Variants in GPN3 observed in about 807,000 individuals in gnomAD.
GPN3 encodes the protein GPN-loop GTPase 3.
A neutral mutation model predicts 38.7 loss-of-function variants in GPN3; 31 were observed. That is an observed-to-expected ratio of 0.80 (90% CI 0.60 to 1.08). The LOEUF (loss-of-function observed/expected upper bound fraction) is 1.08, where lower values mean the gene tolerates loss of function less well. Ranked by LOEUF, GPN3 falls within the 50% of genes least tolerant of loss-of-function variation. GPN3 has a pLI of 0.00. For missense variants in GPN3, 301 were observed against 354.4 expected, an observed-to-expected ratio of 0.85 and a Z score of 1.21; for synonymous variants, 116 against 120.2, an observed-to-expected ratio of 0.96 and a Z score of 0.23.
chr12:110,453,045 G>T lies in GPN3; in HGVS notation c.844C>A (p.Gln282Lys). 1.4e-6 allele frequency: 2 copies of T among 1,404,812 alleles called. No individual in the cohort carries two copies. Among genetic ancestry groups the T allele is most frequent in the Non-Finnish European group, 2.0e-6 (2 of 989,330 alleles). The allele number at this position is 1,404,812 out of a possible 1,614,324, so 87.0% of individuals were successfully genotyped here. A position where few individuals can be genotyped will look rare whatever the true frequency, so the allele number is the denominator to read the frequency against. ...SMFDEYFQECQDE is the reference protein window; with the variant it reads ...SMFDEYFQECKDE ...TTTTAGTAAACTCTTCATTCATCCTGGCATTCTTGAAAATATTCGTCAAAC... is the reference window on the plus strand; with the variant it reads ...TTTTAGTAAACTCTTCATTCATCCTTGCATTCTTGAAAATATTCGTCAAAC... Residue 282 changes from glutamine to lysine, a missense_variant, in exon 8 of 8, where the codon CAG becomes AAG. Coordinates refer to ENST00000228827, the MANE Select transcript of GPN3 (RefSeq NM_016301.4).
chr12:110,468,597 G>T, upstream of GPN3: 2 of 1,537,216 alleles, frequency 1.3e-6, no homozygotes, highest in South Asian at 1.2e-5. Flanking sequence ...TGAGGATCTG[G>T]AATACTGAAG....
rs773714268 is a variant in GPN3 at position 110,459,762 on chromosome 12, A to G, written c.258T>C (p.Asn86=). 1.2e-6 allele frequency: 2 copies of G among 1,612,950 alleles called. No individual in the cohort carries two copies. Among genetic ancestry groups the G allele is most frequent in the Admixed American group, 3.3e-5 (2 of 60,010 alleles). The change falls in exon 3 of 8, where the codon AAT becomes AAC. Residue 86 remains asparagine, a synonymous_variant. Transcript: ENST00000228827. Reference sequence around the variant, plus strand: ...GACAGTTCTCCAGCCAGTCAAAATTATTGGCAAAGTACTCCATGCAAAATA... The same window carrying G: ...GACAGTTCTCCAGCCAGTCAAAATTGTTGGCAAAGTACTCCATGCAAAATA... The part of the protein sequence containing the change: ...GLVFCMEYFA[N]NFDWLENCLG...
At position 110,468,150 on chromosome 12, in the gene GPN3, C is replaced by G; in HGVS notation, c.48+6G>C. The G allele has an allele frequency of 1.2e-6, 2 of 1,613,960 alleles. No individual in the cohort carries two copies. The highest frequency in any genetic ancestry group is 1.1e-5 in the South Asian group (1 of 91,088). The stretch of plus-strand genomic sequence containing the variant: ...CTTTTCTCTCCTTGTCCCCGCAGAT[C>G]CTCACCTTCCCGCTGCCCGCGGGGC... On this transcript the variant is annotated splice_donor_region_variant and intron_variant, in intron 1 of 7. Coordinates refer to ENST00000228827, the MANE Select transcript of GPN3 (RefSeq NM_016301.4).
At chr12:110,465,270 C>T (rs933756954) in intron 1 of GPN3, 56 bp from the exon 2 acceptor site, 3 of 962,808 alleles carry the variant, frequency 3.1e-6, no homozygotes, top group Non-Finnish European at 5.1e-6. Flanking sequence ...GTGCTACCTT[C>T]CATACTCTGG....
At chr12:110,468,269 A>G, upstream of GPN3, 1 of 1,601,968 alleles carries the variant, frequency 6.2e-7, no homozygotes, top group Non-Finnish European at 8.5e-7. Context: ...AGCTCCGGGA[A>G]AGTGAAGTGC....
chr12:110,465,169 G>T lies in GPN3; in HGVS notation c.94C>A (p.Arg32=). 1.2e-6 allele frequency: 2 copies of T among 1,611,754 alleles called. No homozygotes were observed. The highest frequency in any genetic ancestry group is 1.7e-6 in the Non-Finnish European group (2 of 1,177,794). Residue 32 remains arginine, a synonymous_variant, in exon 2 of 8, where the codon CGG becomes AGG. Coordinates refer to ENST00000228827, the MANE Select transcript of GPN3 (RefSeq NM_016301.4). The stretch of plus-strand genomic sequence containing the variant: ...TCCAGGTTTACAACTTGGACAGACC[G>T]GTTGAGGGCTTCACAGTGCTGGACC... ...TMVQHCEALN[R]SVQVVNLDPA...
At position 110,462,257 on chromosome 12, in the gene GPN3, T is replaced by C. The variant is rs562234934; in HGVS notation, c.158-2395A>G. Among the ~76,000 whole-genome samples the C allele has an allele frequency of 2.6e-5, 4 of 152,150 alleles. No individual in the cohort carries two copies. The South Asian group carries it at 8.3e-4, about 32-fold the overall frequency. The stretch of plus-strand genomic sequence containing the variant: ...AAGAAAAGCATTTCACATCTCCTCC[T>C]CTCCCTTCAATCTGCCTCCCCGCAA... On this transcript the variant is annotated intron_variant, in intron 2 of 7. Transcript: ENST00000228827.
rs117440415 is a variant in GPN3 at position 110,459,196 on chromosome 12, T to C, written c.325+499A>G. Among the ~76,000 whole-genome samples, 849 of 152,312 alleles carry C rather than the reference T, an allele frequency of 5.6e-3. 4 individuals are homozygous for C. The highest frequency in any genetic ancestry group is 8.8e-3 in the Non-Finnish European group (597 of 68,034). On this transcript the variant is annotated intron_variant, in intron 3 of 7. Transcript: ENST00000228827. ...CCATGGCCATCTGTGCTCTATGGTA[T>C]TCCCAGTGTACAAAGCAAGCACTTA...
chr12:110,468,709 C>T (rs2062656778), upstream of GPN3: 1 of 1,510,354 alleles, frequency 6.6e-7, no homozygotes, highest in Non-Finnish European at 8.8e-7. Context: ...GACCGCAGCG[C>T]TCCTGCCCCT....
At chr12:110,459,054 G>A (rs1262467478) in intron 3 of GPN3, among the ~76,000 whole-genome samples, 1 of 152,084 alleles carries the variant, frequency 6.6e-6, no homozygotes, top group Non-Finnish European at 1.5e-5. Context: ...TCTGTGTGAT[G>A]ATCTGTGCTA....
At chr12:110,464,866 T>C in intron 2 of GPN3, 2 of 463,768 alleles carry the variant, frequency 4.3e-6, no homozygotes, top group Non-Finnish European at 7.9e-6. Context: ...GTGCTGGAAT[T>C]ACAGGCATGA....
rs1225104347 is a variant in GPN3, at chr12:110,453,872, C to G, written c.664-1G>C. 6.3e-7 allele frequency: 1 copy of G among 1,598,270 alleles called. No homozygotes were observed. Among genetic ancestry groups the G allele is most frequent in the East Asian group, 2.2e-5 (1 of 44,696 alleles). On this transcript the variant is annotated splice_acceptor_variant, in intron 6 of 7. Coordinates refer to ENST00000228827, the MANE Select transcript of GPN3 (RefSeq NM_016301.4). LOFTEE classifies it high-confidence loss of function. ...ATCGAACCATGCTGTAGTCATCAAT[C>G]TACAAGTTGTGGATTTCAAGAAAAG...
At chr12:110,456,215 G>C (rs1019592489) in intron 4 of GPN3, among the ~76,000 whole-genome samples, 9 of 151,530 alleles carry the variant, frequency 5.9e-5, no homozygotes, top group Admixed American at 4.6e-4. Context: ...TGTAATCCCA[G>C]CTACTCAAGA....
At chr12:110,455,378 T>C (rs1436554325) in intron 6 of GPN3, among the ~76,000 whole-genome samples, 2 of 152,116 alleles carry the variant, frequency 1.3e-5, no homozygotes, top group African/African-American at 4.8e-5. Context: ...TCAGCCTGCC[T>C]TGGCCTCCCA....
chr12:110,468,349 C>T (rs1259713141), upstream of GPN3: 4 of 1,534,542 alleles, frequency 2.6e-6, no homozygotes, highest in Middle Eastern at 1.8e-4. Context: ...GGGCAGCCCG[C>T]GGGCCAAATC....
rs1305510024 is a variant in GPN3 at position 110,452,901 on chromosome 12, G to C, written c.*133C>G. The C allele has an allele frequency of 2.2e-5, 15 of 670,782 alleles. No homozygotes were observed. Among genetic ancestry groups the C allele is most frequent in the Non-Finnish European group, 4.1e-5 (15 of 363,738 alleles). The allele number at this position is 670,782 out of a possible 1,614,324, so 41.6% of individuals were successfully genotyped here. A position where few individuals can be genotyped will look rare whatever the true frequency, so the allele number is the denominator to read the frequency against. On this transcript the variant is annotated 3_prime_UTR_variant, in exon 8 of 8. Coordinates refer to ENST00000228827, the MANE Select transcript of GPN3 (RefSeq NM_016301.4). ...ATAATTAAAAATTTGATTCAGGCATGAGGCTGATAAAGAACGAAGTTTTAC... is the reference window on the plus strand; with the variant it reads ...ATAATTAAAAATTTGATTCAGGCATCAGGCTGATAAAGAACGAAGTTTTAC...
chr12:110,461,933 G>A lies in GPN3; in HGVS notation c.158-2071C>T, dbSNP rs150332536. On this transcript the variant is annotated intron_variant, in intron 2 of 7. Coordinates refer to ENST00000228827, the MANE Select transcript of GPN3 (RefSeq NM_016301.4). ...CATGGCTCACTGCAACCTTGACCTC[G>A]TAGGCTCAAGTGATCCTCCCACCTC... Among the ~76,000 whole-genome samples the A allele has an allele frequency of 1.6e-3, 248 of 152,064 alleles. 2 individuals are homozygous for A. In the South Asian group the frequency reaches 0.017, roughly 11 times the overall value.
intron 1 of GPN3, among the ~76,000 whole-genome samples, chr12:110,467,427 C>T (rs956081838): frequency 1.3e-5 from 2 of 152,132 alleles, no homozygotes; most frequent in Non-Finnish European, 2.9e-5. Flanking sequence ...TTATATTTGA[C>T]ATAACGTGAA....
chr12:110,466,824 C>A (rs924283234), intron 1 of GPN3, among the ~76,000 whole-genome samples: 1 of 152,038 alleles, frequency 6.6e-6, no homozygotes, highest in Non-Finnish European at 1.5e-5. Flanking sequence ...ATTGACAGGT[C>A]ATCTATTTGT....
Sources: gnomAD v4.1 joint callset for allele counts (sites outside exome capture counted in the v4.1 genomes callset) on GRCh38, gnomAD v4.1.1 for gene constraint, MANE v1.5 for transcripts, NCBI Gene and HGNC (gene_info 2026-07-23, HGNC 2026-07-21) for gene names.